TUBA1C: variants seen among roughly 807,000 people sequenced by gnomAD.
TUBA1C encodes tubulin alpha 1c.
A neutral mutation model predicts 34.9 loss-of-function variants in TUBA1C; 16 were observed. The observed-to-expected ratio is 0.46, with a 90% CI of 0.31 to 0.70. The LOEUF (loss-of-function observed/expected upper bound fraction) is 0.70, where lower values mean the gene tolerates loss of function less well. Ranked by LOEUF, TUBA1C falls within the 30% of genes least tolerant of loss-of-function variation. The pLI is 0.05. For synonymous variants in TUBA1C, 177 were observed against 215.9 expected, an observed-to-expected ratio of 0.82 and a Z score of 1.58; for missense variants, 329 against 587.3, an observed-to-expected ratio of 0.56 and a Z score of 4.55.
At chr12:49,245,495 G>GGT (rs1223995428) in intron 1 of TUBA1C, among the ~76,000 whole-genome samples, 10 of 152,190 alleles carry the variant, frequency 6.6e-5, no homozygotes, top group African/African-American at 2.4e-4. Flanking sequence ...TGTAGTCACA[G>GGT]CTACTCAGGA....
At chr12:49,254,503 A>AC (rs1555167015) in intron 1 of TUBA1C, among the ~76,000 whole-genome samples, 5 of 150,410 alleles carry the variant, frequency 3.3e-5, no homozygotes, top group African/African-American at 1.2e-4. Context: ...AAAAAAAAAA[A>AC]AAAAACGGGA....
upstream of TUBA1C, chr12:49,264,996 G>A: frequency 2.4e-6 from 2 of 822,122 alleles, no homozygotes; most frequent in Non-Finnish European, 3.3e-6. Context: ...GGGCCGCAGC[G>A]GCACGGGGCG....
chr12:49,257,766 G>A (rs1001470185), intron 1 of TUBA1C: 1 of 154,046 alleles, frequency 6.5e-6, no homozygotes, highest in African/African-American at 2.4e-5. Context: ...GTGACAGAGG[G>A]AGACCCTGTT....
At chr12:49,230,375 G>T (rs1039888225) in intron 1 of TUBA1C, among the ~76,000 whole-genome samples, 2 of 152,130 alleles carry the variant, frequency 1.3e-5, no homozygotes, top group African/African-American at 4.8e-5. Context: ...ACACGCCCAC[G>T]CCAGTACTGT....
chr12:49,233,515 G>GGCCT (rs1942518423), intron 1 of TUBA1C: 1 of 152,164 alleles, frequency 6.6e-6, no homozygotes, highest in South Asian at 2.1e-4. Context: ...CCATCTCCAG[G>GGCCT]GCCTCAAGGA....
At chr12:49,268,452 A>G (rs1942945538) in intron 1 of TUBA1C, among the ~76,000 whole-genome samples, 1 of 151,060 alleles carries the variant, frequency 6.6e-6, no homozygotes, top group Admixed American at 6.6e-5. Context: ...CATGTTGGCC[A>G]GGCTGATTTC....
chr12:49,271,446 C>A (rs1455699934), intron 3 of TUBA1C, among the ~76,000 whole-genome samples: 1 of 152,180 alleles, frequency 6.6e-6, no homozygotes, highest in Admixed American at 6.5e-5. Flanking sequence ...AAATGGGCTT[C>A]TTGGTACCTA....
At chr12:49,257,615 C>T (rs1029229921) in intron 1 of TUBA1C, among the ~76,000 whole-genome samples, 3 of 151,546 alleles carry the variant, frequency 2.0e-5, no homozygotes, top group African/African-American at 7.3e-5. Context: ...CCTCTCGCTA[C>T]AAAAAATACA....
rs539412160 is a variant in TUBA1C, at chr12:49,271,173, G to T, written c.376-1080G>T. On this transcript the variant is annotated intron_variant, in intron 3 of 3. Coordinates refer to ENST00000301072, the MANE Select transcript of TUBA1C (RefSeq NM_032704.5). ...ACAGGAGGCTTAACTGGTGTAATTG[G>T]TAGGCGAGAGTCTGCCCTGTGCATT... Among the ~76,000 whole-genome samples the T allele has an allele frequency of 2.4e-4, 37 of 152,304 alleles. No individual in the cohort carries two copies. The South Asian group carries it at 7.5e-3, about 31-fold the overall frequency.
chr12:49,264,845 TTCCTCCCCTTCCTCCC>T (rs1565647742), upstream of TUBA1C: 20 of 109,804 alleles, frequency 1.8e-4, no homozygotes, highest in African/African-American at 4.3e-4. Context: ...CTTCCTCCCC[TTCCTCCCCTTCCTCCC>T]CTTCCTCCTC....
At chr12:49,232,492 T>C (rs1414389880) in intron 1 of TUBA1C, among the ~76,000 whole-genome samples, 1 of 152,170 alleles carries the variant, frequency 6.6e-6, no homozygotes, top group Non-Finnish European at 1.5e-5. Flanking sequence ...GGCACGCCTA[T>C]TCCTGATACA....
chr12:49,260,809 C>T (rs995504056), upstream of TUBA1C, among the ~76,000 whole-genome samples: 1 of 152,160 alleles, frequency 6.6e-6, no homozygotes, highest in Non-Finnish European at 1.5e-5. Context: ...TGGCGTACTG[C>T]AGCCTCAGCC....
chr12:49,258,354 A>T (rs1389795003), intron 1 of TUBA1C, among the ~76,000 whole-genome samples: 1 of 152,030 alleles, frequency 6.6e-6, no homozygotes, highest in African/African-American at 2.4e-5. Flanking sequence ...AGGGAGCATC[A>T]CTTGAGCCCA....
At chr12:49,231,729 TAG>T (rs913845460) in intron 1 of TUBA1C, among the ~76,000 whole-genome samples, 2 of 151,832 alleles carry the variant, frequency 1.3e-5, no homozygotes, top group African/African-American at 4.9e-5. Flanking sequence ...GATAGATAGA[TAG>T]ATAGATGGAG....
At chr12:49,245,367 A>G (rs1174806228) in intron 1 of TUBA1C, among the ~76,000 whole-genome samples, 1 of 152,162 alleles carries the variant, frequency 6.6e-6, no homozygotes, top group East Asian at 1.9e-4. Context: ...TTGGGAGGCC[A>G]AGGTGGGAGG....
intron 3 of TUBA1C, among the ~76,000 whole-genome samples, chr12:49,271,425 T>C (rs915642525): frequency 1.3e-5 from 2 of 152,204 alleles, no homozygotes; most frequent in African/African-American, 4.8e-5. Context: ...TTGTGTCACT[T>C]TACCCAAAAT....
chr12:49,268,121 CAG>C (rs1034923131), intron 1 of TUBA1C, among the ~76,000 whole-genome samples: 1 of 151,964 alleles, frequency 6.6e-6, no homozygotes, highest in African/African-American at 2.4e-5. Flanking sequence ...GACACAGACA[CAG>C]AGTCTTGCCT....
Position 49,242,010 on chromosome 12 carries a change from A to G in TUBA1C, c.213+13844A>G, listed in dbSNP as rs374189780. Reference sequence around the variant, plus strand: ...TTCTTTCTTTTTTTTTTTTTTTGAGACAGAATTTCATTCTTGTTGCCCAGG... The same window carrying G: ...TTCTTTCTTTTTTTTTTTTTTTGAGGCAGAATTTCATTCTTGTTGCCCAGG... On this transcript the variant is annotated intron_variant, in intron 1 of 3. Transcript: ENST00000541364. 2.9e-3 allele frequency among the ~76,000 whole-genome samples: 397 copies of G among 138,482 alleles called. 4 individuals carry two copies. Among genetic ancestry groups the G allele is most frequent in the African/African-American group, 0.011 (388 of 36,684 alleles). 90.8% of individuals were successfully genotyped at this position (138,482 alleles called of 152,430 possible).
At chr12:49,230,426 G>A (rs1942484882) in intron 1 of TUBA1C, among the ~76,000 whole-genome samples, 1 of 152,182 alleles carries the variant, frequency 6.6e-6, no homozygotes, top group African/African-American at 2.4e-5. Flanking sequence ...AGTGTTATCA[G>A]TAGATTCGTT....
Sources: gnomAD v4.1 joint callset for allele counts (sites outside exome capture counted in the v4.1 genomes callset) on GRCh38, gnomAD v4.1.1 for gene constraint, MANE v1.5 for transcripts, NCBI Gene and HGNC (gene_info 2026-07-23, HGNC 2026-07-21) for gene names.